SEPTIN11: variants seen among roughly 807,000 people sequenced by gnomAD.
The protein encoded by SEPTIN11 is septin-11.
Under a neutral mutation model 51.4 loss-of-function variants are expected in SEPTIN11, and 25 were observed. The observed-to-expected ratio is 0.49, with a 90% CI of 0.35 to 0.68. The LOEUF (loss-of-function observed/expected upper bound fraction) is 0.68. SEPTIN11 is among the 30% of genes least tolerant of loss of function. The pLI is 0.00. For synonymous variants in SEPTIN11, 174 were observed against 184.1 expected (o/e 0.95, Z 0.44); for missense variants, 381 against 520.8 (o/e 0.73, Z 2.61).
chr4:76,976,438 T>C (rs1404335062), intron 1 of SEPTIN11, among the ~76,000 whole-genome samples: 2 of 152,186 alleles, frequency 1.3e-5, no homozygotes, highest in Non-Finnish European at 2.9e-5. Context: ...TCTTGGTGTC[T>C]GAATGTTTGA....
chr4:77,011,028 A>G (rs1024909335), intron 3 of SEPTIN11, among the ~76,000 whole-genome samples: 3 of 152,234 alleles, frequency 2.0e-5, no homozygotes, highest in Non-Finnish European at 2.9e-5. Context: ...AGAGAGGGTT[A>G]CGACATTTAC....
chr4:77,023,303 A>ACACAC (rs1725869571), intron 7 of SEPTIN11, among the ~76,000 whole-genome samples: 2 of 115,478 alleles, frequency 1.7e-5, no homozygotes, highest in South Asian at 2.8e-4. Flanking sequence ...CACACACACA[A>ACACAC]TATATATATA....
chr4:76,971,600 T>A (rs1722245801), intron 1 of SEPTIN11, among the ~76,000 whole-genome samples: 1 of 152,218 alleles, frequency 6.6e-6, no homozygotes, highest in African/African-American at 2.4e-5. Context: ...AGATTAGATT[T>A]AAGATTTAAA....
intron 1 of SEPTIN11, among the ~76,000 whole-genome samples, chr4:76,989,008 C>T (rs1020914736): frequency 3.3e-5 from 5 of 152,186 alleles, no homozygotes; most frequent in African/African-American, 1.2e-4. Context: ...GTTGGCTTTC[C>T]TTAAGCAAAA....
intron 1 of SEPTIN11, among the ~76,000 whole-genome samples, chr4:76,978,901 A>G (rs28639925): frequency 0.019 from 2,894 of 152,056 alleles, 99 homozygotes; most frequent in African/African-American, 0.066. Context: ...CCTTTTCTCC[A>G]TTTTCCAAGG....
rs772529752 is a variant in SEPTIN11 at position 77,030,878 on chromosome 4, C to A, written c.1182C>A (p.Asn394Lys). 2 of 1,613,856 alleles carry A rather than the reference C, an allele frequency of 1.2e-6. No homozygotes were observed. Among genetic ancestry groups the A allele is most frequent in the Non-Finnish European group, 1.7e-6 (2 of 1,179,964 alleles). ...KKKELEEEVN[N>K]FQKKKAAAQL... ...AGGAGCTTGAGGAGGAGGTGAACAACTTCCAGAAGAAGAAAGCAGCGGCTC... is the reference window on the plus strand; with the variant it reads ...AGGAGCTTGAGGAGGAGGTGAACAAATTCCAGAAGAAGAAAGCAGCGGCTC... The change falls in exon 9 of 10, where the codon AAC becomes AAA. Residue 394 changes from asparagine to lysine, a missense_variant. Asn to Lys is a moderately conservative substitution (Grantham distance 94). Around this residue, in one of 2 missense-constraint regions of SEPTIN11, gnomAD observed 197 missense variants for 313.1 expected, o/e 0.63. Coordinates refer to ENST00000264893, the MANE Select transcript of SEPTIN11 (RefSeq NM_018243.4).
chr4:76,975,686 A>G (rs1323378405), intron 1 of SEPTIN11, among the ~76,000 whole-genome samples: 1 of 151,950 alleles, frequency 6.6e-6, no homozygotes, highest in Non-Finnish European at 1.5e-5. Context: ...TCACATAGGT[A>G]TGTGGTTGGA....
In SEPTIN11 at chr4:76,978,955, T is replaced by C. The variant is rs187947039; in HGVS notation, c.28-17470T>C. ...TCCTCCATCAAACATACCATGGGCATTTCAGCCCATAGTGAATGCTCCCTC... is the reference window on the plus strand; with the variant it reads ...TCCTCCATCAAACATACCATGGGCACTTCAGCCCATAGTGAATGCTCCCTC... On this transcript the variant is annotated intron_variant, in intron 1 of 9. Transcript: ENST00000264893. Among the ~76,000 whole-genome samples, 9 of 152,302 alleles carry C rather than the reference T, an allele frequency of 5.9e-5. No individual in the cohort carries two copies. In the East Asian group the frequency reaches 1.5e-3, roughly 26 times the overall value.
At chr4:77,023,396 T>C (rs190206387) in intron 7 of SEPTIN11, among the ~76,000 whole-genome samples, 1 of 148,210 alleles carries the variant, frequency 6.7e-6, no homozygotes, top group Admixed American at 6.8e-5. Context: ...ACATATAATA[T>C]ATATACACAC....
chr4:76,949,992 G>C, intron 1 of SEPTIN11, 62 bp downstream of exon 1: 1 of 1,376,664 alleles, frequency 7.3e-7, no homozygotes, highest in Non-Finnish European at 9.4e-7. Context: ...TCTGGGGCGG[G>C]TGCGGTGAGG....
chr4:77,030,768 T>A lies in SEPTIN11; in HGVS notation c.1087-15T>A. 1 of 1,577,824 alleles carries A rather than the reference T, an allele frequency of 6.3e-7. No homozygotes were observed. Among genetic ancestry groups the A allele is most frequent in the Non-Finnish European group, 8.5e-7 (1 of 1,170,312 alleles). On this transcript the variant is annotated splice_polypyrimidine_tract_variant and intron_variant, in intron 8 of 9. Transcript: ENST00000264893. The stretch of plus-strand genomic sequence containing the variant: ...TTCATTCCATTCACCAAGCCTGTTT[T>A]CTTTTTCTCTCCAGCTTCACGAGAA...
intron 1 of SEPTIN11, among the ~76,000 whole-genome samples, chr4:76,970,595 C>T (rs1722199334): frequency 6.6e-6 from 1 of 152,182 alleles, no homozygotes; most frequent in African/African-American, 2.4e-5. Flanking sequence ...TAAAGACATG[C>T]AATGAATTGG....
At chr4:76,962,550 G>A (rs776481124) in intron 1 of SEPTIN11, among the ~76,000 whole-genome samples, 1 of 152,126 alleles carries the variant, frequency 6.6e-6, no homozygotes, top group Non-Finnish European at 1.5e-5. Context: ...GTTTGTCCTG[G>A]GTTGAGGTAC....
chr4:76,971,551 T>G (rs999414641), intron 1 of SEPTIN11, among the ~76,000 whole-genome samples: 9 of 150,500 alleles, frequency 6.0e-5, no homozygotes, highest in Middle Eastern at 6.8e-3. Context: ...AAACACTAAT[T>G]TTTAGCTTAA....
chr4:76,960,508 G>A (rs1340161450), intron 1 of SEPTIN11, among the ~76,000 whole-genome samples: 1 of 152,172 alleles, frequency 6.6e-6, no homozygotes, highest in African/African-American at 2.4e-5. Context: ...ACTAGCTGCT[G>A]CTCCAAAGCT....
intron 3 of SEPTIN11, among the ~76,000 whole-genome samples, chr4:77,007,070 C>T (rs1724526198): frequency 6.6e-6 from 1 of 152,196 alleles, no homozygotes; most frequent in Admixed American, 6.5e-5. Flanking sequence ...TCTGACACTG[C>T]AGCTGAGCAG....
At chr4:77,007,155 GA>G (rs1724537863) in intron 3 of SEPTIN11, among the ~76,000 whole-genome samples, 1 of 152,176 alleles carries the variant, frequency 6.6e-6, no homozygotes, top group Non-Finnish European at 1.5e-5. Flanking sequence ...GTAATGCCAA[GA>G]GCAGTAAATG....
downstream of SEPTIN11, chr4:77,038,708 C>T (rs1727200441): frequency 5.2e-6 from 5 of 958,436 alleles, no homozygotes; most frequent in Middle Eastern, 4.9e-4. Flanking sequence ...GGATAAGAGT[C>T]TCATGCTTTC....
intron 3 of SEPTIN11, among the ~76,000 whole-genome samples, chr4:77,008,622 G>A (rs1186936026): frequency 6.6e-6 from 1 of 152,152 alleles, no homozygotes; most frequent in Non-Finnish European, 1.5e-5. Flanking sequence ...TGGATGGATG[G>A]ATCACATTGT....
Sources: allele counts gnomAD v4.1 joint callset (sites outside exome capture counted in the v4.1 genomes callset), GRCh38; gene constraint gnomAD v4.1.1; regional missense constraint gnomAD v4.1.1; transcripts MANE v1.5; gene names NCBI Gene and HGNC (gene_info 2026-07-23, HGNC 2026-07-21).